The following ANGPT2 variants were observed in gnomAD, a reference collection of about 807,000 sequenced individuals.
ANGPT2 encodes the protein angiopoietin 2.
ANGPT2 carries 28 observed loss-of-function variants against 62.9 expected under a neutral mutation model. The ratio of observed to expected loss-of-function variants is 0.44; its 90% CI spans 0.33 to 0.61. ANGPT2 has a LOEUF of 0.61. Among genes scored for constraint, ANGPT2 ranks in the 20% least tolerant of loss-of-function variants. The probability of loss-of-function intolerance (pLI) is 0.03; values close to 1 mark genes in which losing one functional copy is unlikely to be tolerated. For missense variants in ANGPT2, 727 were observed against 594.9 expected (o/e 1.22, Z -2.31); for synonymous variants, 284 against 207.8 (o/e 1.37, Z -3.15).
Position 6,509,050 on chromosome 8 carries a change from T to C in ANGPT2, c.1209A>G (p.Lys403=). The change falls in exon 8 of 9, where the codon AAA becomes AAG. Residue 403 remains lysine (K), a synonymous_variant. Coordinates refer to ENST00000629816, the MANE Select transcript of ANGPT2 (RefSeq NM_001118887.2). ...SEELNYRIHL[K]GLTGTAGKIS... is the part of the protein sequence containing the mutation. ...TTTTGCCGGCTGTCCCTGTAAGTCC[T>C]TTAAGGTGAATCCTGTAAGCGTGCA... is the stretch of plus-strand genomic sequence containing the variant. 6.2e-7 allele frequency: 1 copy of C among 1,614,080 alleles called. No individual in the cohort carries two copies. Among genetic ancestry groups the C allele is most frequent in the South Asian group, 1.1e-5 (1 of 91,078 alleles).
intron 2 of ANGPT2, among the ~76,000 whole-genome samples, chr8:6,531,320 A>T (rs1360797444): frequency 1.4e-5 from 2 of 138,008 alleles, no homozygotes; most frequent in African/African-American, 5.4e-5. Context: ...TTGAAGTCTC[A>T]CTCTGTTGCC....
At chr8:6,514,430 C>G (rs1815824488) in intron 6 of ANGPT2, among the ~76,000 whole-genome samples, 1 of 152,162 alleles carries the variant, frequency 6.6e-6, no homozygotes. Context: ...CTCAGGTAAT[C>G]CATCTGCCTC....
At chr8:6,534,982 C>A (rs1820229310) in intron 1 of ANGPT2, among the ~76,000 whole-genome samples, 1 of 152,158 alleles carries the variant, frequency 6.6e-6, no homozygotes, top group African/African-American at 2.4e-5. Flanking sequence ...CTTAGTTACT[C>A]CTCACAGCAC....
At chr8:6,526,255 A>C (rs1818305400) in intron 3 of ANGPT2, among the ~76,000 whole-genome samples, 1 of 95,902 alleles carries the variant, frequency 1.0e-5, no homozygotes, top group Non-Finnish European at 2.0e-5. Context: ...CCTTGCCTCT[A>C]CTAAAAAAAA....
At chr8:6,509,396 G>A (rs1167157908) in intron 7 of ANGPT2, among the ~76,000 whole-genome samples, 1 of 152,148 alleles carries the variant, frequency 6.6e-6, no homozygotes, top group African/African-American at 2.4e-5. Context: ...CTCCTCCCAG[G>A]TCTCCAGTCA....
At chr8:6,550,093 C>T (rs1343816590) in intron 1 of ANGPT2, among the ~76,000 whole-genome samples, 1 of 152,202 alleles carries the variant, frequency 6.6e-6, no homozygotes, top group Non-Finnish European at 1.5e-5. Context: ...ACAACGCTGT[C>T]TTCAAAAGAA....
At chr8:6,531,827 G>A (rs561900414) in intron 2 of ANGPT2, among the ~76,000 whole-genome samples, 1 of 152,286 alleles carries the variant, frequency 6.6e-6, no homozygotes, top group Admixed American at 6.5e-5. Flanking sequence ...GTGGCTAGAC[G>A]CTTCTCACTG....
At chr8:6,519,592 T>A (rs1239547118) in intron 5 of ANGPT2, among the ~76,000 whole-genome samples, 1 of 152,238 alleles carries the variant, frequency 6.6e-6, no homozygotes, top group East Asian at 1.9e-4. Context: ...TATGCATTAT[T>A]CAAGCAAAAT....
At position 6,521,319 on chromosome 8, in the gene ANGPT2, C is replaced by T. The variant is rs1817295820; in HGVS notation, c.658G>A (p.Val220Ile). ...TCAATGATGGAATTTTGCTTGGATACTAACACCTGTAGCTGATCTTTCTCT... is the reference window on the plus strand; with the variant it reads ...TCAATGATGGAATTTTGCTTGGATATTAACACCTGTAGCTGATCTTTCTCT... ...KEEKDQLQVL[V>I]SKQNSIIEEL... is the part of the protein sequence containing the mutation. Residue 220 changes from valine to isoleucine, a missense_variant, in exon 4 of 9, where the codon GTA (valine) becomes ATA (isoleucine). Transcript: ENST00000629816. 2.5e-6 allele frequency: 4 copies of T among 1,613,670 alleles called. No individual in the cohort carries two copies. The South Asian group carries it at 3.3e-5, about 13-fold the overall frequency.
At chr8:6,515,808 G>A (rs940907227) in intron 5 of ANGPT2, among the ~76,000 whole-genome samples, 3 of 152,198 alleles carry the variant, frequency 2.0e-5, no homozygotes, top group African/African-American at 4.8e-5. Context: ...TAATGGAGGC[G>A]ATTTGGCAGG....
In ANGPT2 at chr8:6,520,383, G is replaced by A. The variant is rs1817082414; in HGVS notation, c.800-392C>T. Among the ~76,000 whole-genome samples, 2 of 152,098 alleles carry A rather than the reference G, an allele frequency of 1.3e-5. 1 individual carries two copies. Among genetic ancestry groups the A allele is most frequent in the Admixed American group, 1.3e-4 (2 of 15,256 alleles). On this transcript the variant is annotated intron_variant, in intron 4 of 8. Coordinates refer to ENST00000629816, the MANE Select transcript of ANGPT2 (RefSeq NM_001118887.2). The stretch of plus-strand genomic sequence containing the variant: ...TTTAAAAAGAATGTCCCTAAACACT[G>A]TTATCTGTATCATGACCCCATTGCC...
chr8:6,521,292 C>G lies in ANGPT2; in HGVS notation c.685G>C (p.Glu229Gln). The part of the protein sequence containing the change: ...LVSKQNSIIE[E>Q]LEKKIVTATV... ...GCAGTCACTATTTTTTTTTCTAGTT[C>G]TTCAATGATGGAATTTTGCTTGGAT... Residue 229 changes from glutamate to glutamine, a missense_variant, in exon 4 of 9, where the codon GAA becomes CAA. By Grantham distance (29) the Glu-to-Gln change is conservative. Coordinates refer to ENST00000629816, the MANE Select transcript of ANGPT2 (RefSeq NM_001118887.2). 1 of 1,613,436 alleles carries G rather than the reference C, an allele frequency of 6.2e-7. No individual in the cohort carries two copies. The highest frequency in any genetic ancestry group is 8.5e-7 in the Non-Finnish European group (1 of 1,179,762).
chr8:6,511,724 C>A (rs1332548984), intron 7 of ANGPT2, among the ~76,000 whole-genome samples: 1 of 152,040 alleles, frequency 6.6e-6, no homozygotes, highest in African/African-American at 2.4e-5. Flanking sequence ...AGCTTTAAAC[C>A]AATGTGTGTG....
chr8:6,517,512 C>T (rs978546334), intron 5 of ANGPT2, among the ~76,000 whole-genome samples: 7 of 152,166 alleles, frequency 4.6e-5, no homozygotes, highest in Non-Finnish European at 8.8e-5. Context: ...TTTGGCCTTT[C>T]AGGAAAAGAT....
chr8:6,505,093 G>T (rs141622039), intron 8 of ANGPT2, among the ~76,000 whole-genome samples: 2 of 107,886 alleles, frequency 1.9e-5, no homozygotes, highest in East Asian at 6.3e-4. Flanking sequence ...CGACCCAAGC[G>T]TCAGGTAGGG....
intron 3 of ANGPT2, 84 bp from the exon 4 acceptor site, chr8:6,521,494 A>G (rs1817327979): frequency 1.0e-6 from 1 of 1,004,266 alleles, no homozygotes; most frequent in Non-Finnish European, 1.4e-6. Flanking sequence ...TCTCCAAGGT[A>G]CTCTGTTAAG....
At chr8:6,534,214 A>T (rs1017607484) in intron 1 of ANGPT2, among the ~76,000 whole-genome samples, 1 of 152,210 alleles carries the variant, frequency 6.6e-6, no homozygotes, top group Non-Finnish European at 1.5e-5. Context: ...TTAAAAAAAA[A>T]ATAACAATAC....
At chr8:6,506,082 T>G (rs1271276732) in intron 8 of ANGPT2, among the ~76,000 whole-genome samples, 1 of 150,778 alleles carries the variant, frequency 6.6e-6, no homozygotes, top group African/African-American at 2.4e-5. Flanking sequence ...GGTTTGTTAT[T>G]TCATCCAGGT....
chr8:6,527,700 C>A, intron 2 of ANGPT2, 24 bp from the exon 3 acceptor site: 1 of 1,571,156 alleles, frequency 6.4e-7, no homozygotes, highest in Non-Finnish European at 8.6e-7. Context: ...AATGAAGTTC[C>A]TATTAATTAT....
Sources: gnomAD v4.1 joint callset for allele counts (sites outside exome capture counted in the v4.1 genomes callset) on GRCh38, gnomAD v4.1.1 for gene constraint, MANE v1.5 for transcripts, NCBI Gene and HGNC (gene_info 2026-07-23, HGNC 2026-07-21) for gene names.